The following GRIK4 variants were observed in gnomAD, a reference collection of about 807,000 sequenced individuals.
The protein encoded by GRIK4 is glutamate ionotropic receptor kainate type subunit 4.
GRIK4 carries 40 observed loss-of-function variants against 104.9 expected under a neutral mutation model. That is an observed-to-expected ratio of 0.38 (90% CI 0.30 to 0.50). The LOEUF is 0.50. GRIK4 is among the 20% of genes least tolerant of loss of function. GRIK4 has a pLI of 0.93. For missense variants in GRIK4, 1,047 were observed against 1,308.1 expected (o/e 0.80, Z 3.08); for synonymous variants, 485 against 524.9 (o/e 0.92, Z 1.04).
rs139764770 is a variant in GRIK4 at position 120,933,411 on chromosome 11, T to G, written c.1477-6936T>G. Among the ~76,000 whole-genome samples the G allele has an allele frequency of 9.2e-5, 14 of 152,310 alleles. No individual in the cohort carries two copies. The East Asian group carries it at 2.7e-3, about 30-fold the overall frequency. On this transcript the variant is annotated intron_variant, in intron 13 of 20. Transcript: ENST00000527524. ...GCTACTTACTTCAAACCAGGCCCCA[T>G]GCTCAGCATTTACAGACATGGCCTC...
At chr11:120,545,499 C>G (rs920146671) in intron 1 of GRIK4, among the ~76,000 whole-genome samples, 8 of 152,156 alleles carry the variant, frequency 5.3e-5, no homozygotes, top group Non-Finnish European at 1.0e-4. Context: ...GTAGTAAGCA[C>G]TATTCGAGGT....
At chr11:120,532,296 G>A (rs765485118) in intron 1 of GRIK4, among the ~76,000 whole-genome samples, 6 of 152,074 alleles carry the variant, frequency 3.9e-5, no homozygotes, top group East Asian at 3.9e-4. Flanking sequence ...GCCCTACCCC[G>A]CCCCCAGCTT....
At chr11:120,678,944 T>TTTG (rs1950147781) in intron 3 of GRIK4, among the ~76,000 whole-genome samples, 1 of 151,926 alleles carries the variant, frequency 6.6e-6, no homozygotes, top group Non-Finnish European at 1.5e-5. Context: ...GGTTTTTTTT[T>TTTG]TTTGTTTGTT....
At chr11:120,924,257 A>G (rs1328604879) in intron 13 of GRIK4, among the ~76,000 whole-genome samples, 1 of 152,160 alleles carries the variant, frequency 6.6e-6, no homozygotes, top group Non-Finnish European at 1.5e-5. Flanking sequence ...GAGGTTGGCC[A>G]GGCCTGAGTG....
At chr11:120,813,679 C>T (rs77490132) in intron 4 of GRIK4, among the ~76,000 whole-genome samples, 3,771 of 152,314 alleles carry the variant, frequency 0.025, 81 homozygotes, top group Middle Eastern at 0.082. Flanking sequence ...CAGATGATCA[C>T]CTGGCTGTAT....
chr11:120,877,410 TGTG>T (rs1381252554), intron 11 of GRIK4, among the ~76,000 whole-genome samples: 4 of 152,078 alleles, frequency 2.6e-5, no homozygotes, highest in African/African-American at 9.7e-5. Context: ...TAAGTGCAAA[TGTG>T]GGTTATTACA....
intron 3 of GRIK4, among the ~76,000 whole-genome samples, chr11:120,668,317 A>G (rs1481726976): frequency 3.3e-5 from 5 of 151,694 alleles, no homozygotes; most frequent in Admixed American, 6.6e-5. Context: ...GAAAAGAAGA[A>G]AGGAAGGAAG....
At chr11:120,756,057 G>T (rs1433397377) in intron 3 of GRIK4, among the ~76,000 whole-genome samples, 1 of 152,164 alleles carries the variant, frequency 6.6e-6, no homozygotes, top group Non-Finnish European at 1.5e-5. Context: ...TCCCAGCAGT[G>T]TAAGCTTGGT....
chr11:120,549,295 T>C lies in GRIK4; in HGVS notation c.-159+37408T>C, dbSNP rs1043579097. Among the ~76,000 whole-genome samples the C allele has an allele frequency of 5.3e-5, 8 of 152,200 alleles. No individual in the cohort carries two copies. The highest frequency in any genetic ancestry group is 1.9e-4 in the African/African-American group (8 of 41,520). The stretch of plus-strand genomic sequence containing the variant: ...TGTATATATTTTTTTTTAAGTAAAG[T>C]CGGGCTTTCACCATGTTGGCCAGGC... On this transcript the variant is annotated intron_variant, in intron 1 of 20. Coordinates refer to ENST00000527524, the MANE Select transcript of GRIK4 (RefSeq NM_014619.5). The surrounding 1 kb of genome is among the most constrained non-coding windows in gnomAD (Gnocchi z 4.7).
At chr11:120,753,240 G>A (rs895926705) in intron 3 of GRIK4, among the ~76,000 whole-genome samples, 8 of 152,100 alleles carry the variant, frequency 5.3e-5, no homozygotes, top group African/African-American at 1.7e-4. Flanking sequence ...CCGGCTTAAG[G>A]CTGGGGAGCA....
intron 1 of GRIK4, among the ~76,000 whole-genome samples, chr11:120,514,501 T>G (rs143049544): frequency 4.7e-4 from 72 of 152,242 alleles, no homozygotes; most frequent in African/African-American, 1.6e-3. Flanking sequence ...TCTCAGCTGT[T>G]TGGTTCTCAG....
intron 2 of GRIK4, among the ~76,000 whole-genome samples, chr11:120,656,148 A>G (rs1421716263): frequency 6.6e-6 from 1 of 152,246 alleles, no homozygotes; most frequent in East Asian, 1.9e-4. Flanking sequence ...ATTAGGTCCT[A>G]AGACTAGATT....
At chr11:120,870,704 AT>A (rs1230260351) in intron 9 of GRIK4, 1 of 150,076 alleles carries the variant, frequency 6.7e-6, no homozygotes, top group Non-Finnish European at 1.5e-5. Context: ...CAGTTTCTTC[AT>A]TCGTGAAAGA....
chr11:120,704,928 C>G (rs1950605068), intron 3 of GRIK4, among the ~76,000 whole-genome samples: 1 of 152,094 alleles, frequency 6.6e-6, no homozygotes, highest in Non-Finnish European at 1.5e-5. Context: ...TCCAGTTGTC[C>G]CAGAACCATT....
intron 1 of GRIK4, among the ~76,000 whole-genome samples, chr11:120,636,886 C>G (rs1288160929): frequency 6.6e-6 from 1 of 152,136 alleles, no homozygotes; most frequent in Non-Finnish European, 1.5e-5. Context: ...GGGCTCTGGC[C>G]TCCACCTGGG....
intron 3 of GRIK4, among the ~76,000 whole-genome samples, chr11:120,783,128 C>A (rs1397675854): frequency 1.3e-5 from 2 of 152,132 alleles, no homozygotes; most frequent in Non-Finnish European, 2.9e-5. Flanking sequence ...CAGACAGCAG[C>A]CCCCCCACAG....
intron 1 of GRIK4, among the ~76,000 whole-genome samples, chr11:120,570,166 G>A (rs79281319): frequency 7.6e-5 from 3 of 39,532 alleles, no homozygotes; most frequent in Non-Finnish European, 1.6e-4. Context: ...AGCTTGTCTC[G>A]TGGGGAACCT....
intron 3 of GRIK4, among the ~76,000 whole-genome samples, chr11:120,774,252 G>A (rs985821182): frequency 4.6e-5 from 7 of 152,166 alleles, no homozygotes; most frequent in African/African-American, 1.7e-4. Context: ...GTTTGCGAAA[G>A]GGAGTGCTAG....
chr11:120,790,167 C>T (rs1362233316), intron 3 of GRIK4, among the ~76,000 whole-genome samples: 1 of 152,134 alleles, frequency 6.6e-6, no homozygotes, highest in African/African-American at 2.4e-5. Context: ...ATGACCATGT[C>T]CTTCTCTGGA....
Sources: gnomAD v4.1 joint callset for allele counts (sites outside exome capture counted in the v4.1 genomes callset) on GRCh38, gnomAD v4.1.1 for gene constraint, Gnocchi (gnomAD v3.1) non-coding constraint, MANE v1.5 for transcripts, NCBI Gene and HGNC (gene_info 2026-07-23, HGNC 2026-07-21) for gene names.